TRPC4: variants seen among roughly 807,000 people sequenced by gnomAD.
TRPC4 encodes the protein transient receptor potential cation channel subfamily C member 4, also known as short transient receptor potential channel 4.
A neutral mutation model predicts 99.4 loss-of-function variants in TRPC4; 49 were observed. That is an observed-to-expected ratio of 0.49 (90% CI 0.39 to 0.63). The LOEUF is 0.63. Among genes scored for constraint, TRPC4 ranks in the 20% least tolerant of loss-of-function variants. The probability of loss-of-function intolerance (pLI) is 0.00; values close to 1 mark genes in which losing one functional copy is unlikely to be tolerated. For synonymous variants in TRPC4, 454 were observed against 425.9 expected, an observed-to-expected ratio of 1.07 and a Z score of -0.81; for missense variants, 898 against 1,152.9, an observed-to-expected ratio of 0.78 and a Z score of 3.20.
intron 4 of TRPC4, among the ~76,000 whole-genome samples, chr13:37,680,029 C>G (rs1953183946): frequency 6.6e-6 from 1 of 152,162 alleles, no homozygotes; most frequent in South Asian, 2.1e-4. Flanking sequence ...GCAGCGTAAA[C>G]AAGAATGTGA....
At position 37,651,391 on chromosome 13, in the gene TRPC4, A is replaced by T; in HGVS notation, c.1953T>A (p.Gly651=). The stretch of plus-strand genomic sequence containing the variant: ...TGACATTGAAGGGAGTAGGCAGAGT[A>T]CCTCCTTCTTCAAAATAACTCATCC... The part of the protein sequence containing the change: ...KLWMSYFEEG[G]TLPTPFNVIP... The change falls in exon 8 of 11, where the codon GGT becomes GGA. Residue 651 remains glycine (G), a synonymous_variant. Transcript: ENST00000379705. The T allele has an allele frequency of 6.2e-7, 1 of 1,614,022 alleles. No homozygotes were observed. The highest frequency in any genetic ancestry group is 8.5e-7 in the Non-Finnish European group (1 of 1,179,938).
At position 37,854,075 on chromosome 13, in the gene TRPC4, G is replaced by A. The variant is rs534724931; in HGVS notation, c.-28+15520C>T. On this transcript the variant is annotated intron_variant, in intron 1 of 10. Coordinates refer to ENST00000379705, the MANE Select transcript of TRPC4 (RefSeq NM_016179.4). Reference sequence around the variant, plus strand: ...GAAAGATATCAACATTCAAGTAAAAGGTTATAGAACACCTAGCAGATTTAA... The same window carrying A: ...GAAAGATATCAACATTCAAGTAAAAAGTTATAGAACACCTAGCAGATTTAA... Among the ~76,000 whole-genome samples the A allele has an allele frequency of 1.6e-4, 25 of 152,060 alleles. No individual in the cohort carries two copies. The South Asian group carries it at 4.8e-3, about 29-fold the overall frequency.
chr13:37,769,274 C>G (rs565379081), intron 2 of TRPC4, among the ~76,000 whole-genome samples: 23 of 151,408 alleles, frequency 1.5e-4, no homozygotes, highest in African/African-American at 4.1e-4. Flanking sequence ...CAGTCTTTTC[C>G]TTAACTGTGG....
intron 1 of TRPC4, among the ~76,000 whole-genome samples, chr13:37,798,439 C>T (rs645363): frequency 0.99 from 150,567 of 152,284 alleles, 74,454 homozygotes; most frequent in Middle Eastern, 1. Flanking sequence ...ACTGATTCAT[C>T]AAAATTATCA....
intron 5 of TRPC4, among the ~76,000 whole-genome samples, chr13:37,665,571 G>A (rs1326582040): frequency 6.6e-6 from 1 of 152,082 alleles, no homozygotes; most frequent in Admixed American, 6.6e-5. Context: ...CAATAAAAAT[G>A]CTCTAAGAGA....
At chr13:37,651,775 C>T (rs1015759749) in intron 7 of TRPC4, among the ~76,000 whole-genome samples, 1 of 152,194 alleles carries the variant, frequency 6.6e-6, no homozygotes, top group African/African-American at 2.4e-5. Flanking sequence ...GCACTGTAGA[C>T]TCATGTTAGT....
chr13:37,762,124 C>T (rs1277917614), intron 2 of TRPC4, among the ~76,000 whole-genome samples: 1 of 151,818 alleles, frequency 6.6e-6, no homozygotes, highest in East Asian at 1.9e-4. Context: ...TTATCACTAA[C>T]TCTTAGATTG....
intron 8 of TRPC4, among the ~76,000 whole-genome samples, chr13:37,644,118 C>G (rs1188047689): frequency 6.6e-6 from 1 of 152,080 alleles, no homozygotes; most frequent in African/African-American, 2.4e-5. Context: ...ATAAACATCA[C>G]AATAATTTTT....
chr13:37,865,789 T>C (rs1351618406), intron 1 of TRPC4, among the ~76,000 whole-genome samples: 11 of 151,778 alleles, frequency 7.2e-5, no homozygotes, highest in Non-Finnish European at 3.0e-5. Context: ...TAAAATTTGA[T>C]ATACTTCAAA....
At chr13:37,829,077 C>T (rs1275553345) in intron 1 of TRPC4, among the ~76,000 whole-genome samples, 1 of 152,118 alleles carries the variant, frequency 6.6e-6, no homozygotes, top group Non-Finnish European at 1.5e-5. Context: ...TTACATATGA[C>T]AATAAATCAC....
At chr13:37,786,659 T>C (rs946403605) in intron 1 of TRPC4, among the ~76,000 whole-genome samples, 12 of 152,020 alleles carry the variant, frequency 7.9e-5, no homozygotes, top group African/African-American at 2.9e-4. Flanking sequence ...AATGTCAAAA[T>C]AAAACATTGC....
At chr13:37,823,646 C>G (rs372253589) in intron 1 of TRPC4, among the ~76,000 whole-genome samples, 5 of 151,014 alleles carry the variant, frequency 3.3e-5, no homozygotes, top group Admixed American at 1.3e-4. Context: ...TGTTTTGGTA[C>G]CAGTACCATG....
At chr13:37,796,930 A>AAAATAAAATAAAATAAAATG in intron 1 of TRPC4, among the ~76,000 whole-genome samples, 4 of 57,778 alleles carry the variant, frequency 6.9e-5, no homozygotes, top group Non-Finnish European at 1.8e-4. Context: ...CCTCTCTACA[A>AAAATAAAATAAAATAAAATG]AAATAAAATA....
intron 2 of TRPC4, among the ~76,000 whole-genome samples, chr13:37,747,348 C>G (rs993177064): frequency 1.3e-5 from 2 of 152,110 alleles, no homozygotes; most frequent in Non-Finnish European, 2.9e-5. Flanking sequence ...CTTTAAAGAC[C>G]TTATATAATA....
At chr13:37,766,803 C>T (rs768883147) in intron 2 of TRPC4, among the ~76,000 whole-genome samples, 5 of 151,536 alleles carry the variant, frequency 3.3e-5, no homozygotes, top group Non-Finnish European at 5.9e-5. Flanking sequence ...TTAGAGAAAA[C>T]GTCACTGACT....
intron 1 of TRPC4, among the ~76,000 whole-genome samples, chr13:37,826,793 G>C (rs1958232592): frequency 1.3e-5 from 2 of 152,100 alleles, no homozygotes; most frequent in Admixed American, 1.3e-4. Context: ...GGCATTCTCT[G>C]TATTTCCTGA....
At chr13:37,836,671 C>T (rs1306176822) in intron 1 of TRPC4, among the ~76,000 whole-genome samples, 2 of 152,086 alleles carry the variant, frequency 1.3e-5, no homozygotes, top group Non-Finnish European at 2.9e-5. Flanking sequence ...TAAAGGCATT[C>T]AGTTTTAAAA....
intron 8 of TRPC4, among the ~76,000 whole-genome samples, chr13:37,640,425 A>G (rs1388886456): frequency 6.6e-6 from 1 of 152,162 alleles, no homozygotes; most frequent in East Asian, 1.9e-4. Context: ...TTCACTGGCC[A>G]TAAGGATGCA....
chr13:37,805,719 T>G (rs1957513094), intron 1 of TRPC4, among the ~76,000 whole-genome samples: 1 of 152,006 alleles, frequency 6.6e-6, no homozygotes, highest in Admixed American at 6.6e-5. Context: ...TGACTTAAAA[T>G]TTATTGTCAA....
Sources: gnomAD v4.1 joint callset for allele counts (sites outside exome capture counted in the v4.1 genomes callset) on GRCh38, gnomAD v4.1.1 for gene constraint, MANE v1.5 for transcripts, NCBI Gene and HGNC (gene_info 2026-07-23, HGNC 2026-07-21) for gene names.